The following FUT8 variants were observed in gnomAD, a reference collection of about 807,000 sequenced individuals.
The protein encoded by FUT8 is fucosyltransferase 8.
In FUT8, 29 loss-of-function variants were observed where a neutral mutation model predicts 71.3. The ratio of observed to expected loss-of-function variants is 0.41; its 90% CI spans 0.30 to 0.55. FUT8 has a LOEUF of 0.55. Ranked by LOEUF, FUT8 falls within the 20% of genes least tolerant of loss-of-function variation. FUT8 has a pLI of 0.34. For synonymous variants in FUT8, 254 were observed against 239.3 expected, an observed-to-expected ratio of 1.06 and a Z score of -0.57; for missense variants, 544 against 702.1, an observed-to-expected ratio of 0.77 and a Z score of 2.55.
At chr14:65,464,258 G>GTTTT (rs1566763367) in intron 2 of FUT8, among the ~76,000 whole-genome samples, 1 of 80,968 alleles carries the variant, frequency 1.2e-5, no homozygotes, top group African/African-American at 4.2e-5. Flanking sequence ...CAGTACTTTG[G>GTTTT]GTTTTTTTTT....
chr14:65,401,895 TAAA>T, the FUT8 span, among the ~76,000 whole-genome samples: 14,235 of 105,134 alleles, frequency 0.14, 1,014 homozygotes, highest in East Asian at 0.38. Flanking sequence ...AGACCCTGTC[TAAA>T]AAAAAAAAAA....
At chr14:65,553,984 G>A (rs1330172459) in intron 2 of FUT8, among the ~76,000 whole-genome samples, 1 of 151,684 alleles carries the variant, frequency 6.6e-6, no homozygotes. Flanking sequence ...CTCTTTAAAT[G>A]TATTTTCTTC....
the FUT8 span, among the ~76,000 whole-genome samples, chr14:65,400,008 T>G: frequency 6.6e-6 from 1 of 152,222 alleles, no homozygotes; most frequent in African/African-American, 2.4e-5. Context: ...GGGGATATCA[T>G]GGTCAACCCA....
chr14:65,729,296 C>T (rs1445981318), intron 9 of FUT8, among the ~76,000 whole-genome samples: 2 of 152,012 alleles, frequency 1.3e-5, no homozygotes, highest in African/African-American at 2.4e-5. Context: ...GGATTACTGT[C>T]GTGAGCCACC....
At chr14:65,445,011 C>G (rs183638051) in intron 1 of FUT8, among the ~76,000 whole-genome samples, 1 of 152,140 alleles carries the variant, frequency 6.6e-6, no homozygotes, top group Non-Finnish European at 1.5e-5. Flanking sequence ...CAAGATCAAC[C>G]AGGCCAAGAT....
chr14:65,722,915 T>G (rs1157336369), intron 8 of FUT8, among the ~76,000 whole-genome samples: 3 of 152,202 alleles, frequency 2.0e-5, no homozygotes, highest in African/African-American at 7.2e-5. Flanking sequence ...AGTCTACCTT[T>G]TTCTACATAT....
intron 5 of FUT8, 92 bp downstream of exon 5, chr14:65,616,465 T>A: frequency 9.3e-7 from 1 of 1,074,292 alleles, no homozygotes; most frequent in Non-Finnish European, 1.3e-6. Context: ...TGTTGAGTGG[T>A]AAATATTAAT....
At chr14:65,742,000 C>A in intron 10 of FUT8, 93 bp from the exon 11 acceptor site, 2 of 986,818 alleles carry the variant, frequency 2.0e-6, no homozygotes, top group Non-Finnish European at 3.1e-6. Flanking sequence ...CAACCTCTTA[C>A]TCCTAGAGCC....
At chr14:65,384,254 A>G in the FUT8 span, among the ~76,000 whole-genome samples, 1 of 152,120 alleles carries the variant, frequency 6.6e-6, no homozygotes, top group Non-Finnish European at 1.5e-5. The surrounding 1 kb of genome is among the most constrained non-coding windows in gnomAD (Gnocchi z 4.2). Context: ...ATTAAAGGAA[A>G]TTTATTAATT....
At chr14:65,609,193 G>A (rs1888744055) in intron 3 of FUT8, among the ~76,000 whole-genome samples, 1 of 151,522 alleles carries the variant, frequency 6.6e-6, no homozygotes, top group Non-Finnish European at 1.5e-5. Context: ...TACTTGGGAG[G>A]CTGAAGCGGA....
intron 2 of FUT8, among the ~76,000 whole-genome samples, chr14:65,506,879 A>G (rs756025168): frequency 4.3e-4 from 65 of 152,210 alleles, no homozygotes; most frequent in Admixed American, 1.8e-3. Flanking sequence ...GGGTCTGCCC[A>G]TAGACCCTGA....
chr14:65,704,774 C>CAACT (rs1894476141), intron 7 of FUT8, among the ~76,000 whole-genome samples: 2 of 152,200 alleles, frequency 1.3e-5, no homozygotes, highest in Non-Finnish European at 2.9e-5. Flanking sequence ...TGGCATGAAG[C>CAACT]AAACAAATCT....
intron 7 of FUT8, among the ~76,000 whole-genome samples, chr14:65,699,770 C>G (rs1037747257): frequency 6.6e-6 from 1 of 152,168 alleles, no homozygotes; most frequent in African/African-American, 2.4e-5. Flanking sequence ...TTATTCCTTA[C>G]AACCAGTGAA....
chr14:65,675,159 A>G (rs768810565), intron 7 of FUT8, among the ~76,000 whole-genome samples: 4 of 152,152 alleles, frequency 2.6e-5, no homozygotes, highest in Non-Finnish European at 4.4e-5. Context: ...ATTAAAATCT[A>G]GTGGGATCAT....
At chr14:65,376,790 C>T in the FUT8 span, among the ~76,000 whole-genome samples, 1 of 152,094 alleles carries the variant, frequency 6.6e-6, no homozygotes, top group Non-Finnish European at 1.5e-5. Context: ...GATCTCTTCC[C>T]CTGACAAAAA....
At position 65,482,279 on chromosome 14, in the gene FUT8, G is replaced by C. The variant is rs558978686; in HGVS notation, c.-228+26561G>C. 7.9e-5 allele frequency among the ~76,000 whole-genome samples: 12 copies of C among 151,768 alleles called. No homozygotes were observed. In the South Asian group the frequency reaches 2.3e-3, roughly 29 times the overall value. On this transcript the variant is annotated intron_variant, in intron 2 of 10. Transcript: ENST00000673929. ...TGTCAAAAATCATTTGACTGTATAC[G>C]CGTGGGTTTATTTCTGACTCTTATT...
At chr14:65,650,963 A>G (rs1271031057) in intron 6 of FUT8, among the ~76,000 whole-genome samples, 2 of 152,172 alleles carry the variant, frequency 1.3e-5, no homozygotes, top group Non-Finnish European at 2.9e-5. Context: ...CCTGTCCTGC[A>G]ATAATGAGGG....
intron 2 of FUT8, among the ~76,000 whole-genome samples, chr14:65,522,353 T>C (rs1192854325): frequency 6.6e-6 from 1 of 152,198 alleles, no homozygotes; most frequent in Non-Finnish European, 1.5e-5. Flanking sequence ...CAGAGTGTTA[T>C]TTCCTTTTTT....
chr14:65,484,918 C>CT (rs1326262146), intron 2 of FUT8, among the ~76,000 whole-genome samples: 1 of 151,786 alleles, frequency 6.6e-6, no homozygotes, highest in Non-Finnish European at 1.5e-5. Context: ...TCTACGGTGT[C>CT]TAATCTGTTA....
Sources: allele counts gnomAD v4.1 joint callset (sites outside exome capture counted in the v4.1 genomes callset), GRCh38; gene constraint gnomAD v4.1.1; non-coding constraint Gnocchi (gnomAD v3.1); transcripts MANE v1.5; gene names NCBI Gene and HGNC (gene_info 2026-07-23, HGNC 2026-07-21).